GREB1: variants seen among roughly 807,000 people sequenced by gnomAD.
GREB1 encodes growth regulating estrogen receptor binding 1, also known as protein GREB1.
Under a neutral mutation model 200.7 loss-of-function variants are expected in GREB1, and 106 were observed. That is an observed-to-expected ratio of 0.53 (90% CI 0.45 to 0.62). GREB1 has a LOEUF of 0.62. GREB1 is among the 20% of genes least tolerant of loss of function. The probability of loss-of-function intolerance (pLI) is 0.00; values close to 1 mark genes in which losing one functional copy is unlikely to be tolerated. For missense variants in GREB1, 2,243 were observed against 2,556.8 expected (o/e 0.88, Z 2.65); for synonymous variants, 1,132 against 1,092.4 (o/e 1.04, Z -0.72).
At chr2:11,496,874 G>A (rs1360704090) in intron 1 of GREB1, among the ~76,000 whole-genome samples, 4 of 151,776 alleles carry the variant, frequency 2.6e-5, no homozygotes, top group Non-Finnish European at 4.4e-5. Flanking sequence ...TTATTTTTTT[G>A]AGTTGGGGTC....
At chr2:11,575,683 C>A (rs557361615) in intron 4 of GREB1, among the ~76,000 whole-genome samples, 5 of 152,332 alleles carry the variant, frequency 3.3e-5, no homozygotes, top group Admixed American at 2.6e-4. Context: ...CAGAAACTCA[C>A]GGGATCAACT....
chr2:11,634,526 T>G (rs1487873553), intron 29 of GREB1, among the ~76,000 whole-genome samples, 177 bp downstream of exon 29: 1 of 152,266 alleles, frequency 6.6e-6, no homozygotes, highest in Non-Finnish European at 1.5e-5. Context: ...TCATTCAGCT[T>G]CATTCACCAA....
Position 11,641,697 on chromosome 2 carries a change from A to C in GREB1, c.*1243A>C, listed in dbSNP as rs1271351505. ...GAGACGGGGTTTCACCATGTTAGCC[A>C]GGATGGTCTCGATCTCCTGACCTCG... On this transcript the variant is annotated 3_prime_UTR_variant, in exon 33 of 33. Coordinates refer to ENST00000381486, the MANE Select transcript of GREB1 (RefSeq NM_014668.4). The C allele has an allele frequency of 2.6e-5, 4 of 152,102 alleles. No homozygotes were observed. Among genetic ancestry groups the C allele is most frequent in the Admixed American group, 6.5e-5 (1 of 15,274 alleles). 9.4% of individuals were successfully genotyped at this position (152,102 alleles called of 1,614,324 possible).
At chr2:11,501,260 G>A (rs1319235663) in intron 1 of GREB1, among the ~76,000 whole-genome samples, 2 of 152,166 alleles carry the variant, frequency 1.3e-5, no homozygotes, top group African/African-American at 2.4e-5. Flanking sequence ...TGAGTACATC[G>A]AAGCAGTGGT....
intron 20 of GREB1, among the ~76,000 whole-genome samples, chr2:11,615,916 C>T (rs73175259): frequency 0.02 from 2,982 of 152,284 alleles, 98 homozygotes; most frequent in African/African-American, 0.068. Flanking sequence ...GGCACCAGCG[C>T]GGGTCTGTGG....
At chr2:11,500,914 G>A (rs754540724) in intron 1 of GREB1, among the ~76,000 whole-genome samples, 1 of 152,218 alleles carries the variant, frequency 6.6e-6, no homozygotes, top group Non-Finnish European at 1.5e-5. Context: ...CAGGCAAACT[G>A]CAGTTGGGTT....
At chr2:11,483,799 G>A (rs141942024) in intron 1 of GREB1, among the ~76,000 whole-genome samples, 322 of 92,462 alleles carry the variant, frequency 3.5e-3, no homozygotes, top group Middle Eastern at 0.027. Flanking sequence ...GAGGGACTCC[G>A]GGCCATTTTG....
intron 1 of GREB1, among the ~76,000 whole-genome samples, chr2:11,527,659 T>A (rs987062582): frequency 2.0e-5 from 3 of 152,164 alleles, no homozygotes; most frequent in African/African-American, 7.2e-5. Flanking sequence ...AACCAGGAGC[T>A]ATTCAGTGAG....
intron 17 of GREB1, among the ~76,000 whole-genome samples, chr2:11,606,913 G>T (rs558840379): frequency 6.6e-6 from 1 of 151,812 alleles, no homozygotes; most frequent in Non-Finnish European, 1.5e-5. Flanking sequence ...CTCCTGAGTA[G>T]CTGGGATTAC....
Position 11,541,091 on chromosome 2 carries a change from G to A in GREB1, c.-162+6837G>A, listed in dbSNP as rs553149019. ...TCTGGAATTTGGGGTGTTCTAGTGA[G>A]ATTTGGGGTGGGGTCATGTCCCTGT... On this transcript the variant is annotated intron_variant, in intron 1 of 32. Coordinates refer to ENST00000381486, the MANE Select transcript of GREB1 (RefSeq NM_014668.4). Among the ~76,000 whole-genome samples the A allele has an allele frequency of 2.0e-5, 3 of 152,346 alleles. No individual in the cohort carries two copies. In the East Asian group the frequency reaches 5.8e-4, roughly 29 times the overall value.
intron 3 of GREB1, among the ~76,000 whole-genome samples, chr2:11,565,097 C>A (rs1677488259): frequency 6.6e-6 from 1 of 152,230 alleles, no homozygotes; most frequent in Non-Finnish European, 1.5e-5. Flanking sequence ...GGGGGCACAG[C>A]CAGACCATAT....
chr2:11,514,370 A>T (rs555112875), intron 1 of GREB1, among the ~76,000 whole-genome samples: 1 of 152,308 alleles, frequency 6.6e-6, no homozygotes, highest in South Asian at 2.1e-4. Flanking sequence ...TGAACTTGGG[A>T]TTCACCAGTT....
intron 2 of GREB1, chr2:11,561,360 TA>T (rs762150052): frequency 2.0e-4 from 26 of 127,114 alleles, no homozygotes; most frequent in African/African-American, 6.3e-4. Flanking sequence ...CCCTTGGGGA[TA>T]TTTTTTTTTT....
chr2:11,549,652 G>A (rs1405009529), intron 1 of GREB1, among the ~76,000 whole-genome samples: 1 of 152,128 alleles, frequency 6.6e-6, no homozygotes, highest in African/African-American at 2.4e-5. Context: ...TTCTAGTAAA[G>A]TTTAAATTTC....
At chr2:11,506,379 T>C (rs1411177285) in intron 1 of GREB1, among the ~76,000 whole-genome samples, 1 of 152,290 alleles carries the variant, frequency 6.6e-6, no homozygotes, top group Non-Finnish European at 1.5e-5. Flanking sequence ...ACACCTTTTC[T>C]TCAGGGAGGC....
intron 20 of GREB1, 120 bp downstream of exon 20, chr2:11,615,410 C>G: frequency 2.4e-6 from 2 of 819,068 alleles, no homozygotes; most frequent in Non-Finnish European, 3.9e-6. Context: ...GGTCCTGGGA[C>G]CTGTCTGCTG....
At chr2:11,526,467 T>C (rs775593694) in intron 1 of GREB1, among the ~76,000 whole-genome samples, 7 of 152,204 alleles carry the variant, frequency 4.6e-5, no homozygotes, top group Non-Finnish European at 1.5e-5. Context: ...AATAACATTA[T>C]GTATTCGGTA....
intron 1 of GREB1, among the ~76,000 whole-genome samples, chr2:11,540,862 C>A (rs1674682593): frequency 2.6e-5 from 4 of 152,222 alleles, no homozygotes; most frequent in Admixed American, 1.3e-4. Context: ...ACTGGAGCAC[C>A]CCATTCCCAT....
intron 17 of GREB1, among the ~76,000 whole-genome samples, chr2:11,604,291 C>T (rs895719470): frequency 2.0e-4 from 30 of 152,208 alleles, no homozygotes; most frequent in Non-Finnish European, 3.7e-4. Context: ...CTGAATCTGC[C>T]GTTAACCAGC....
Sources: gnomAD v4.1 joint callset for allele counts (sites outside exome capture counted in the v4.1 genomes callset) on GRCh38, gnomAD v4.1.1 for gene constraint, MANE v1.5 for transcripts, NCBI Gene and HGNC (gene_info 2026-07-23, HGNC 2026-07-21) for gene names.